CPNE2: variants seen among roughly 807,000 people sequenced by gnomAD.
The protein encoded by CPNE2 is copine 2.
CPNE2 carries 42 observed loss-of-function variants against 69.7 expected under a neutral mutation model. The ratio of observed to expected loss-of-function variants is 0.60; its 90% CI spans 0.47 to 0.78. The LOEUF (loss-of-function observed/expected upper bound fraction) is 0.78, where lower values mean the gene tolerates loss of function less well. CPNE2 is among the 30% of genes least tolerant of loss of function. CPNE2 has a pLI of 0.00. For missense variants in CPNE2, 587 were observed against 732.0 expected (o/e 0.80, Z 2.29); for synonymous variants, 294 against 289.8 (o/e 1.01, Z -0.15).
Position 57,124,552 on chromosome 16 carries a change from A to C in CPNE2, c.927+1079A>C, listed in dbSNP as rs115718576. On this transcript the variant is annotated intron_variant, in intron 10 of 15. Coordinates refer to ENST00000290776, the MANE Select transcript of CPNE2 (RefSeq NM_152727.6). ...TATCACACAGTAACTGGCACATAGCAGGTGCTCCATCATTTCTCGTTGGAA... is the reference window on the plus strand; with the variant it reads ...TATCACACAGTAACTGGCACATAGCCGGTGCTCCATCATTTCTCGTTGGAA... The C allele has an allele frequency of 1.9e-3, 643 of 333,250 alleles. 7 individuals are homozygous for C. The highest frequency in any genetic ancestry group is 0.013 in the African/African-American group (599 of 46,144). The allele number at this position is 333,250 out of a possible 1,614,324, so 20.6% of individuals were successfully genotyped here.
intron 8 of CPNE2, among the ~76,000 whole-genome samples, 190 bp from the exon 9 acceptor site, chr16:57,121,484 G>A (rs4784770): frequency 0.49 from 74,136 of 151,914 alleles, 19,350 homozygotes; most frequent in Admixed American, 0.65. Flanking sequence ...TTGGGGGTGC[G>A]TTATCTGGGG....
At chr16:57,102,297 C>A (rs895703120) in intron 1 of CPNE2, among the ~76,000 whole-genome samples, 2 of 152,276 alleles carry the variant, frequency 1.3e-5, no homozygotes, top group South Asian at 4.1e-4. Context: ...GGTGACCCAT[C>A]TGGAAACCAC....
chr16:57,121,051 T>C (rs752045287), intron 7 of CPNE2, 42 bp from the exon 8 acceptor site: 4 of 1,516,358 alleles, frequency 2.6e-6, no homozygotes, highest in Non-Finnish European at 3.6e-6. Context: ...AGAGCACCTC[T>C]TGGGGGACAG....
At chr16:57,134,979 G>T (rs1348655962) in intron 13 of CPNE2, among the ~76,000 whole-genome samples, 153 bp downstream of exon 13, 1 of 152,186 alleles carries the variant, frequency 6.6e-6, no homozygotes, top group Non-Finnish European at 1.5e-5. Flanking sequence ...AAGAGCTGCA[G>T]TTTGGAGTCA....
At chr16:57,097,719 C>T (rs1166436023) in intron 1 of CPNE2, among the ~76,000 whole-genome samples, 1 of 152,172 alleles carries the variant, frequency 6.6e-6, no homozygotes, top group Non-Finnish European at 1.5e-5. Context: ...ACATCCTCCA[C>T]CTCCCCAGCC....
chr16:57,116,204 T>G (rs937055173), intron 4 of CPNE2, among the ~76,000 whole-genome samples: 3 of 152,130 alleles, frequency 2.0e-5, no homozygotes, highest in African/African-American at 7.2e-5. Flanking sequence ...GAAGGACCCC[T>G]CAGACCCTGC....
At chr16:57,118,400 C>G (rs2069736186) in intron 5 of CPNE2, among the ~76,000 whole-genome samples, 1 of 150,708 alleles carries the variant, frequency 6.6e-6, no homozygotes, top group African/African-American at 2.4e-5. Context: ...GTCTCGATCT[C>G]CTGACCTTGT....
At chr16:57,132,580 T>G (rs1463149471) in intron 12 of CPNE2, among the ~76,000 whole-genome samples, 1 of 152,182 alleles carries the variant, frequency 6.6e-6, no homozygotes, top group Admixed American at 6.5e-5. Context: ...GGCCATTGGC[T>G]GTCAGAAGGC....
intron 1 of CPNE2, among the ~76,000 whole-genome samples, chr16:57,109,337 G>A (rs565587784): frequency 3.9e-5 from 6 of 152,002 alleles, no homozygotes; most frequent in African/African-American, 1.2e-4. Flanking sequence ...TTACCCTTGC[G>A]TGGTTGTGGG....
intron 12 of CPNE2, among the ~76,000 whole-genome samples, chr16:57,132,959 G>C (rs1257524687): frequency 1.3e-5 from 2 of 152,036 alleles, no homozygotes. Flanking sequence ...AAGAGCGGGG[G>C]GCCCGAGAAG....
chr16:57,145,821 G>T (rs898912520), intron 14 of CPNE2: 6 of 505,800 alleles, frequency 1.2e-5, no homozygotes, highest in African/African-American at 1.9e-5. Flanking sequence ...GGCCCCAAGG[G>T]GGAGTCTAAG....
chr16:57,101,014 C>T (rs1383502349), intron 1 of CPNE2, among the ~76,000 whole-genome samples: 1 of 152,192 alleles, frequency 6.6e-6, no homozygotes, highest in Admixed American at 6.5e-5. Flanking sequence ...ATGCAGTTAA[C>T]ATTAAATCAG....
At position 57,123,416 on chromosome 16, in the gene CPNE2, A is replaced by G; in HGVS notation, c.870A>G (p.Ile290Met). The G allele has an allele frequency of 6.2e-7, 1 of 1,612,920 alleles. No homozygotes were observed. Among genetic ancestry groups the G allele is most frequent in the Non-Finnish European group, 8.5e-7 (1 of 1,180,012 alleles). The change falls in exon 10 of 16, where the codon ATA (isoleucine) becomes ATG (methionine). Residue 290 changes from isoleucine to methionine, a missense_variant and splice_region_variant. Transcript: ENST00000290776. ...SGIIILRSCK[I>M]NRDYSFLDYI... ...CTGACTCATCCGCTTTCTTCCAGAT[A>G]AACCGAGACTACTCCTTCCTTGACT...
intron 13 of CPNE2, among the ~76,000 whole-genome samples, chr16:57,135,935 A>G (rs1231713387): frequency 7.0e-6 from 1 of 143,742 alleles, no homozygotes; most frequent in Non-Finnish European, 1.5e-5. Flanking sequence ...GACAGAGAGA[A>G]AGGAAAGGAA....
intron 14 of CPNE2, among the ~76,000 whole-genome samples, chr16:57,140,443 A>G (rs1202513304): frequency 6.6e-6 from 1 of 152,018 alleles, no homozygotes; most frequent in East Asian, 1.9e-4. Flanking sequence ...AAGTGCTGGG[A>G]TTACAGGTGT....
intron 12 of CPNE2, among the ~76,000 whole-genome samples, chr16:57,132,539 A>C (rs781601248): frequency 6.6e-6 from 1 of 152,180 alleles, no homozygotes; most frequent in Non-Finnish European, 1.5e-5. Context: ...CCCTGACCTC[A>C]AGGCTGAGCC....
intron 1 of CPNE2, among the ~76,000 whole-genome samples, chr16:57,104,634 G>A (rs147229580): frequency 1.3e-5 from 2 of 152,308 alleles, no homozygotes; most frequent in East Asian, 1.9e-4. Flanking sequence ...GGGAAACAGT[G>A]ATGATGTCCT....
chr16:57,097,313 T>C (rs1396235562), intron 1 of CPNE2, among the ~76,000 whole-genome samples: 2 of 152,192 alleles, frequency 1.3e-5, no homozygotes, highest in African/African-American at 4.8e-5. Context: ...TGAGTGTGTC[T>C]TGATCATGGT....
At chr16:57,112,257 C>G (rs1173213210) in intron 2 of CPNE2, among the ~76,000 whole-genome samples, 2 of 152,138 alleles carry the variant, frequency 1.3e-5, no homozygotes, top group Non-Finnish European at 2.9e-5. Flanking sequence ...GATGGTACAA[C>G]TGTAAGTGGG....
Sources: allele counts gnomAD v4.1 joint callset (sites outside exome capture counted in the v4.1 genomes callset), GRCh38; gene constraint gnomAD v4.1.1; transcripts MANE v1.5; gene names NCBI Gene and HGNC (gene_info 2026-07-23, HGNC 2026-07-21).